Variants in NALF1 observed in about 807,000 individuals in gnomAD.
NALF1 encodes the protein family with sequence similarity 155 member A.
In NALF1, 3 loss-of-function variants were observed where a neutral mutation model predicts 48.4. That is an observed-to-expected ratio of 0.06 (90% CI 0.03 to 0.16). The LOEUF (loss-of-function observed/expected upper bound fraction) is 0.16, where lower values mean the gene tolerates loss of function less well. Ranked by LOEUF, NALF1 falls within the 10% of genes least tolerant of loss-of-function variation. The pLI, the probability that NALF1 is intolerant of heterozygous loss-of-function variation, is 1.00. For synonymous variants in NALF1, 262 were observed against 245.7 expected (o/e 1.07, Z -0.62); for missense variants, 526 against 571.5 (o/e 0.92, Z 0.81).
chr13:107,516,825 A>G (rs1426863513), intron 1 of NALF1, among the ~76,000 whole-genome samples: 1 of 152,220 alleles, frequency 6.6e-6, no homozygotes, highest in Admixed American at 6.5e-5. Flanking sequence ...TATTTTCCCA[A>G]ATAAACATTA....
Position 107,167,116 on chromosome 13 carries a change from A to C in NALF1, c.*3381T>G, listed in dbSNP as rs140580384. On this transcript the variant is annotated 3_prime_UTR_variant, in exon 3 of 3. Transcript: ENST00000375915. ...CCAGAAACTGAAATTTCTCTATTGC[A>C]GATAAAAAGAATAATAAACAGGGAA... The C allele has an allele frequency of 3.0e-4, 45 of 152,342 alleles. No individual in the cohort carries two copies. Among genetic ancestry groups the C allele is most frequent in the African/African-American group, 1.1e-3 (45 of 41,574 alleles). The allele number at this position is 152,342 out of a possible 1,614,324, so 9.4% of individuals were successfully genotyped here.
intron 1 of NALF1, among the ~76,000 whole-genome samples, chr13:107,704,949 T>C (rs1014578632): frequency 5.9e-5 from 9 of 152,176 alleles, no homozygotes; most frequent in Admixed American, 5.2e-4. Flanking sequence ...GTCTTTCTAT[T>C]ATTAGTGTCA....
intron 1 of NALF1, among the ~76,000 whole-genome samples, chr13:107,575,348 T>C (rs552125389): frequency 1.3e-5 from 2 of 151,920 alleles, no homozygotes; most frequent in South Asian, 2.1e-4. Context: ...ATGGAGTGAG[T>C]TGCCCAAAGT....
chr13:107,745,901 C>T (rs1594240933), intron 1 of NALF1, among the ~76,000 whole-genome samples: 1 of 152,154 alleles, frequency 6.6e-6, no homozygotes, highest in Non-Finnish European at 1.5e-5. Context: ...ATTAAGACAA[C>T]TCATTTGTGA....
chr13:107,845,682 T>C (rs552910312), intron 1 of NALF1, among the ~76,000 whole-genome samples: 63 of 152,302 alleles, frequency 4.1e-4, no homozygotes, highest in African/African-American at 1.1e-3. Flanking sequence ...CTTTAACCCC[T>C]AGGCTTTTTG....
At chr13:107,192,207 A>C (rs929616493) in intron 2 of NALF1, among the ~76,000 whole-genome samples, 1 of 152,234 alleles carries the variant, frequency 6.6e-6, no homozygotes, top group African/African-American at 2.4e-5. Flanking sequence ...AGGAAATATT[A>C]ATTATAATAA....
intron 1 of NALF1, among the ~76,000 whole-genome samples, chr13:107,258,237 T>C (rs547742012): frequency 1.3e-5 from 2 of 152,362 alleles, no homozygotes; most frequent in African/African-American, 4.8e-5. Context: ...GATGATATTT[T>C]AATAACTTCT....
At chr13:107,753,440 T>C (rs758546144) in intron 1 of NALF1, among the ~76,000 whole-genome samples, 2 of 152,000 alleles carry the variant, frequency 1.3e-5, no homozygotes, top group Non-Finnish European at 2.9e-5. Context: ...TTTGTTGTTG[T>C]TGTTGTTGTA....
chr13:107,847,301 G>C (rs1020893496), intron 1 of NALF1, among the ~76,000 whole-genome samples: 8 of 151,930 alleles, frequency 5.3e-5, no homozygotes, highest in South Asian at 2.1e-4. Context: ...TTTTTCCTTA[G>C]CTGATTTTAC....
chr13:107,352,780 G>A (rs1238032208), intron 1 of NALF1, among the ~76,000 whole-genome samples: 37 of 152,162 alleles, frequency 2.4e-4, no homozygotes, highest in Middle Eastern at 3.4e-3. Flanking sequence ...TCTAATTTTT[G>A]TCTTGTCCCA....
chr13:107,397,987 C>A (rs1883740826), intron 1 of NALF1, among the ~76,000 whole-genome samples: 1 of 152,036 alleles, frequency 6.6e-6, no homozygotes, highest in Non-Finnish European at 1.5e-5. Context: ...ATGAACTTGT[C>A]TGATATTTAT....
chr13:107,637,690 C>A (rs1880015564), intron 1 of NALF1, among the ~76,000 whole-genome samples: 1 of 152,114 alleles, frequency 6.6e-6, no homozygotes, highest in Non-Finnish European at 1.5e-5. Context: ...ATCTTCCAAC[C>A]CATGTTGGAA....
At chr13:107,726,545 T>A (rs1295003156) in intron 1 of NALF1, among the ~76,000 whole-genome samples, 2 of 152,134 alleles carry the variant, frequency 1.3e-5, no homozygotes, top group African/African-American at 4.8e-5. Context: ...CAGACATTTT[T>A]AAAGTTTTGT....
At chr13:107,352,793 C>T (rs1167763912) in intron 1 of NALF1, among the ~76,000 whole-genome samples, 1 of 152,132 alleles carries the variant, frequency 6.6e-6, no homozygotes, top group Non-Finnish European at 1.5e-5. Flanking sequence ...TTGTCCCAGC[C>T]ACCCCAAATA....
chr13:107,212,419 G>A (rs571483410), intron 1 of NALF1, among the ~76,000 whole-genome samples: 2 of 152,128 alleles, frequency 1.3e-5, no homozygotes, highest in African/African-American at 4.8e-5. Flanking sequence ...AGAAGAAAAC[G>A]TTACAATAGC....
At chr13:107,668,504 A>T (rs1396702897) in intron 1 of NALF1, among the ~76,000 whole-genome samples, 1 of 152,036 alleles carries the variant, frequency 6.6e-6, no homozygotes, top group Admixed American at 6.6e-5. Context: ...TGCAAGCAGA[A>T]GCTAGTTGGT....
chr13:107,510,555 CCTGT>C (rs1875853590), intron 1 of NALF1, among the ~76,000 whole-genome samples: 1 of 152,238 alleles, frequency 6.6e-6, no homozygotes, highest in Middle Eastern at 3.4e-3. Flanking sequence ...TACTTTAAAA[CCTGT>C]CTAATTTAGT....
intron 1 of NALF1, among the ~76,000 whole-genome samples, chr13:107,612,300 A>G (rs1879252978): frequency 6.6e-6 from 1 of 152,126 alleles, no homozygotes; most frequent in Non-Finnish European, 1.5e-5. Flanking sequence ...TTCAGTAGGT[A>G]TGAAGCTTCA....
chr13:107,517,540 G>T (rs1396666420), intron 1 of NALF1, among the ~76,000 whole-genome samples: 1 of 152,150 alleles, frequency 6.6e-6, no homozygotes, highest in Non-Finnish European at 1.5e-5. Flanking sequence ...GTTGAGGCAG[G>T]AGAATCGCTT....
Sources: allele counts gnomAD v4.1 joint callset (sites outside exome capture counted in the v4.1 genomes callset), GRCh38; gene constraint gnomAD v4.1.1; transcripts MANE v1.5; gene names NCBI Gene and HGNC (gene_info 2026-07-23, HGNC 2026-07-21).